Variants in DYNC2I1 observed in about 807,000 individuals in gnomAD.
The protein encoded by DYNC2I1 is dynein 2 intermediate chain 1.
In DYNC2I1, 89 loss-of-function variants were observed where a neutral mutation model predicts 133.4. The ratio of observed to expected loss-of-function variants is 0.67; its 90% CI spans 0.56 to 0.80. DYNC2I1 has a LOEUF of 0.80. DYNC2I1 is among the 30% of genes least tolerant of loss of function. The probability of loss-of-function intolerance (pLI) is 0.00; values close to 1 mark genes in which losing one functional copy is unlikely to be tolerated. For missense variants in DYNC2I1, 1,291 were observed against 1,314.5 expected, an observed-to-expected ratio of 0.98 and a Z score of 0.28; for synonymous variants, 504 against 484.3, an observed-to-expected ratio of 1.04 and a Z score of -0.54.
chr7:158,855,669 C>T (rs1841177002), upstream of DYNC2I1, among the ~76,000 whole-genome samples: 1 of 152,192 alleles, frequency 6.6e-6, no homozygotes, highest in South Asian at 2.1e-4. Context: ...GCTTGGAGGT[C>T]AGAAGCAAGA....
chr7:158,920,250 A>G (rs10264717), intron 15 of DYNC2I1, among the ~76,000 whole-genome samples: 1,476 of 88,956 alleles, frequency 0.017, 23 homozygotes, highest in African/African-American at 0.05. Context: ...CAGGGAACAC[A>G]TGAAGTGTGT....
At chr7:158,899,439 A>G (rs1846036066) in intron 8 of DYNC2I1, among the ~76,000 whole-genome samples, 1 of 152,230 alleles carries the variant, frequency 6.6e-6, no homozygotes, top group Non-Finnish European at 1.5e-5. Flanking sequence ...ATTAAGGAAA[A>G]GAAAAGGAAG....
downstream of DYNC2I1, among the ~76,000 whole-genome samples, chr7:158,948,179 T>A (rs906713588): frequency 6.6e-6 from 1 of 151,996 alleles, no homozygotes; most frequent in Non-Finnish European, 1.5e-5. Context: ...TCACAGCAGA[T>A]TAGGAAAACA....
chr7:158,947,074 C>T (rs994674104), downstream of DYNC2I1, among the ~76,000 whole-genome samples: 6 of 152,228 alleles, frequency 3.9e-5, no homozygotes, highest in Non-Finnish European at 8.8e-5. Flanking sequence ...TTCCAGGTGC[C>T]TGCTACAGCG....
chr7:158,938,791 G>A (rs1170617034), intron 23 of DYNC2I1, among the ~76,000 whole-genome samples: 1 of 151,822 alleles, frequency 6.6e-6, no homozygotes, highest in African/African-American at 2.4e-5. Flanking sequence ...ATGCTAAAGG[G>A]AGTTCTTCAA....
chr7:158,878,899 C>T (rs1180250915), intron 4 of DYNC2I1, among the ~76,000 whole-genome samples: 1 of 122,016 alleles, frequency 8.2e-6, no homozygotes, highest in Non-Finnish European at 1.7e-5. Flanking sequence ...GTGGGGAGGC[C>T]AGGAGGGCCG....
At chr7:158,939,262 C>CA (rs1044748845) in intron 23 of DYNC2I1, among the ~76,000 whole-genome samples, 37 of 122,058 alleles carry the variant, frequency 3.0e-4, no homozygotes, top group South Asian at 5.8e-4. Context: ...CTCATCTCTA[C>CA]AAAAAAAAAC....
intron 17 of DYNC2I1, 149 bp downstream of exon 17, chr7:158,923,882 A>G (rs764363519): frequency 1.0e-5 from 10 of 981,122 alleles, no homozygotes; most frequent in Non-Finnish European, 1.5e-5. Context: ...TTTGATAAAT[A>G]CAAAAAACAG....
At chr7:158,936,811 C>G (rs988431113) in intron 23 of DYNC2I1, among the ~76,000 whole-genome samples, 1 of 152,212 alleles carries the variant, frequency 6.6e-6, no homozygotes, top group Non-Finnish European at 1.5e-5. Context: ...AGGCCTCCCT[C>G]AATCACTAAA....
At chr7:158,939,007 T>C (rs193270791) in intron 23 of DYNC2I1, among the ~76,000 whole-genome samples, 33 of 152,292 alleles carry the variant, frequency 2.2e-4, no homozygotes, top group African/African-American at 6.7e-4. Context: ...TTTAAAAATA[T>C]ATAAATTGAG....
At chr7:158,847,353 C>T in the DYNC2I1 span, among the ~76,000 whole-genome samples, 1 of 151,986 alleles carries the variant, frequency 6.6e-6, no homozygotes, top group Non-Finnish European at 1.5e-5. Flanking sequence ...TTAAAAGTCA[C>T]TTTAAATAGT....
chr7:158,898,477 G>A (rs370578850), intron 8 of DYNC2I1, among the ~76,000 whole-genome samples: 23 of 152,304 alleles, frequency 1.5e-4, no homozygotes, highest in African/African-American at 4.8e-4. Context: ...CTTTATCATT[G>A]TGTAATGCCC....
At chr7:158,840,514 C>T in the DYNC2I1 span, among the ~76,000 whole-genome samples, 1 of 152,194 alleles carries the variant, frequency 6.6e-6, no homozygotes, top group Non-Finnish European at 1.5e-5. Context: ...TTGCAGTGAG[C>T]TGAGATCATG....
At chr7:158,854,547 C>T (rs780027938), upstream of DYNC2I1, among the ~76,000 whole-genome samples, 8 of 151,894 alleles carry the variant, frequency 5.3e-5, no homozygotes, top group East Asian at 1.9e-4. Flanking sequence ...ATGTAGATGA[C>T]GGGTTGATGG....
the DYNC2I1 span, among the ~76,000 whole-genome samples, chr7:158,850,468 C>G: frequency 4.6e-5 from 7 of 152,236 alleles, no homozygotes; most frequent in Non-Finnish European, 1.0e-4. Flanking sequence ...TGGCTCCAAC[C>G]AGCTCCACGC....
At chr7:158,953,931 A>G (rs879768720) in intron 4 of DYNC2I1, among the ~76,000 whole-genome samples, 3 of 152,154 alleles carry the variant, frequency 2.0e-5, no homozygotes, top group African/African-American at 7.2e-5. Flanking sequence ...TATAAAACCT[A>G]TTGCTGTGGG....
At chr7:158,936,186 G>A (rs973073185) in intron 23 of DYNC2I1, among the ~76,000 whole-genome samples, 3 of 152,096 alleles carry the variant, frequency 2.0e-5, no homozygotes, top group Non-Finnish European at 4.4e-5. Flanking sequence ...GCAAAACTCC[G>A]TCTCAAAACA....
intron 6 of DYNC2I1, among the ~76,000 whole-genome samples, chr7:158,886,525 C>T (rs1483339625): frequency 3.9e-5 from 6 of 152,262 alleles, no homozygotes; most frequent in Admixed American, 6.5e-5. Context: ...TGAATTATTG[C>T]TAAAATAGTA....
chr7:158,857,712 A>G (rs2657384), intron 1 of DYNC2I1, among the ~76,000 whole-genome samples: 22,305 of 143,368 alleles, frequency 0.16, 1,870 homozygotes, highest in Middle Eastern at 0.27. Context: ...TGATTTTTGT[A>G]TTTTTAGTAG....
Sources: allele counts gnomAD v4.1 joint callset (sites outside exome capture counted in the v4.1 genomes callset), GRCh38; gene constraint gnomAD v4.1.1; transcripts MANE v1.5; gene names NCBI Gene and HGNC (gene_info 2026-07-23, HGNC 2026-07-21).